The following EXD2 variants were observed in gnomAD, a reference collection of about 807,000 sequenced individuals.
The protein encoded by EXD2 is exonuclease 3'-5' domain-containing protein 2.
Under a neutral mutation model 62.5 loss-of-function variants are expected in EXD2, and 40 were observed. That is an observed-to-expected ratio of 0.64 (90% confidence interval 0.50 to 0.83). The LOEUF is 0.83. Among genes scored for constraint, EXD2 ranks in the 40% least tolerant of loss-of-function variants. The pLI is 0.00. For synonymous variants in EXD2, 239 were observed against 291.9 expected (o/e 0.82, Z 1.85); for missense variants, 671 against 761.8 (o/e 0.88, Z 1.40).
At chr14:69,192,749 A>G (rs1595094844) in intron 1 of EXD2, among the ~76,000 whole-genome samples, 1 of 152,222 alleles carries the variant, frequency 6.6e-6, no homozygotes, top group Non-Finnish European at 1.5e-5. Flanking sequence ...GCATTACACA[A>G]CTTGACGTTT....
chr14:69,235,918 A>C, intron 6 of EXD2, 128 bp from the exon 7 acceptor site: 7 of 770,072 alleles, frequency 9.1e-6, no homozygotes, highest in South Asian at 8.3e-5. Flanking sequence ...TGTTTTTTCC[A>C]TAGTGGTGTG....
At chr14:69,224,913 AG>A (rs2043306804) in intron 3 of EXD2, among the ~76,000 whole-genome samples, 1 of 151,910 alleles carries the variant, frequency 6.6e-6, no homozygotes, top group Admixed American at 6.6e-5. Context: ...CGGGAGGCAG[AG>A]GTTGCAGTGA....
chr14:69,228,783 T>A, intron 3 of EXD2, 33 bp from the exon 4 acceptor site: 1 of 1,588,758 alleles, frequency 6.3e-7, no homozygotes, highest in Non-Finnish European at 8.6e-7. Context: ...TGTGCTCAGG[T>A]GTGAACCACA....
intron 1 of EXD2, among the ~76,000 whole-genome samples, chr14:69,198,346 C>T (rs2042278098): frequency 6.6e-6 from 1 of 152,184 alleles, no homozygotes; most frequent in Non-Finnish European, 1.5e-5. Context: ...CTACATTCCT[C>T]TGCCATAATT....
In EXD2 at chr14:69,241,098, T is replaced by G; in HGVS notation, c.1864T>G (p.Ter622GlyextTer1). Residue 622 changes from the stop codon to glycine (G), a stop_lost, in exon 10 of 10, where the codon TGA (stop) becomes GGA (glycine). Coordinates refer to ENST00000685843, the MANE Select transcript of EXD2 (RefSeq NM_001193360.2). The stretch of plus-strand genomic sequence containing the variant: ...GGAAGATCTTCCCATCCAGCTGTCT[T>G]GATAGCTGCTTTCCTCCCAGTTAGG... ...FGEDLPIQLS* is the reference protein window; with the variant it reads ...FGEDLPIQLSG 6.2e-7 allele frequency: 1 copy of G among 1,611,760 alleles called. No individual in the cohort carries two copies. The highest frequency in any genetic ancestry group is 8.5e-7 in the Non-Finnish European group (1 of 1,179,720).
chr14:69,194,398 A>T (rs2043650611), intron 1 of EXD2, among the ~76,000 whole-genome samples: 2 of 152,130 alleles, frequency 1.3e-5, no homozygotes, highest in South Asian at 4.2e-4. Context: ...TCGGCCTCCC[A>T]AAGTGCTGGG....
intron 2 of EXD2, among the ~76,000 whole-genome samples, chr14:69,205,396 C>T (rs910953313): frequency 1.3e-5 from 2 of 152,076 alleles, no homozygotes; most frequent in Admixed American, 1.3e-4. Flanking sequence ...ATTCTGGTGA[C>T]TTCCTCAGAT....
intron 5 of EXD2, among the ~76,000 whole-genome samples, chr14:69,231,480 C>T (rs1053895527): frequency 2.0e-5 from 3 of 152,148 alleles, no homozygotes; most frequent in African/African-American, 4.8e-5. Context: ...GGTTAATATA[C>T]AGTATTTATA....
Position 69,236,172 on chromosome 14 carries a change from T to C in EXD2, c.1156+20T>C. The C allele has an allele frequency of 6.3e-7, 1 of 1,598,642 alleles. No individual in the cohort carries two copies. The highest frequency in any genetic ancestry group is 8.6e-7 in the Non-Finnish European group (1 of 1,165,838). Reference sequence around the variant, plus strand: ...TTGGTGGTATGAGATTCAGCTGTCCTTGTTTATCTCTAATTAGGTGCATTG... The same window carrying C: ...TTGGTGGTATGAGATTCAGCTGTCCCTGTTTATCTCTAATTAGGTGCATTG... On this transcript the variant is annotated intron_variant, in intron 7 of 9. Transcript: ENST00000685843.
Position 69,208,420 on chromosome 14 carries a change from C to T in EXD2, c.-47-1004C>T, listed in dbSNP as rs886952156. On this transcript the variant is annotated intron_variant, in intron 2 of 9. Coordinates refer to ENST00000685843, the MANE Select transcript of EXD2 (RefSeq NM_001193360.2). ...AGAGACGGGGTTTCACTGTGTTAGC[C>T]GGGATGGTCTCGATCTCCTGACCTC... Among the ~76,000 whole-genome samples the T allele has an allele frequency of 3.6e-4, 55 of 151,434 alleles. 1 individual carries two copies. Among genetic ancestry groups the T allele is most frequent in the African/African-American group, 1.2e-3 (50 of 41,180 alleles).
intron 3 of EXD2, chr14:69,210,284 A>G (rs1027261307): frequency 1.3e-5 from 2 of 155,072 alleles, no homozygotes; most frequent in African/African-American, 4.8e-5. Context: ...TAGCTAAGGA[A>G]TTCTATTTAA....
At chr14:69,198,197 T>G (rs953774916) in intron 1 of EXD2, among the ~76,000 whole-genome samples, 1 of 152,220 alleles carries the variant, frequency 6.6e-6, no homozygotes, top group African/African-American at 2.4e-5. Context: ...TTATAATAGG[T>G]TTGGAAAGCT....
At chr14:69,238,826 G>A (rs1240014755) in intron 9 of EXD2, among the ~76,000 whole-genome samples, 2 of 151,908 alleles carry the variant, frequency 1.3e-5, no homozygotes, top group Admixed American at 1.3e-4. Flanking sequence ...GTAGAGATGG[G>A]GTTTCACCAG....
chr14:69,197,901 G>GT (rs1330001268), intron 1 of EXD2, among the ~76,000 whole-genome samples: 1 of 152,100 alleles, frequency 6.6e-6, no homozygotes, highest in Admixed American at 6.5e-5. Flanking sequence ...CCCACATAGG[G>GT]TTATTGAAAG....
chr14:69,240,803 T>C, intron 9 of EXD2, 81 bp from the exon 10 acceptor site: 1 of 1,251,832 alleles, frequency 8.0e-7, no homozygotes, highest in Non-Finnish European at 1.1e-6. Flanking sequence ...CAGTTACCCT[T>C]GGCGCGCAGC....
intron 3 of EXD2, among the ~76,000 whole-genome samples, chr14:69,220,253 G>GTTTTTTGTTT (rs2043126549): frequency 2.8e-5 from 1 of 35,114 alleles, no homozygotes; most frequent in Non-Finnish European, 4.9e-5. Flanking sequence ...TTGTCTCTCT[G>GTTTTTTGTTT]TTTTTTTTTT....
chr14:69,202,158 G>A (rs377162275), intron 1 of EXD2, among the ~76,000 whole-genome samples: 6 of 152,184 alleles, frequency 3.9e-5, no homozygotes, highest in African/African-American at 1.4e-4. Flanking sequence ...GGGTGTTGGA[G>A]CTCAGGAGTT....
intron 2 of EXD2, chr14:69,209,101 G>GT (rs1164501621): frequency 4.6e-4 from 72 of 156,166 alleles, no homozygotes; most frequent in Non-Finnish European, 7.3e-4. Context: ...CTAGCTTATT[G>GT]TTTTTTTTTC....
At chr14:69,210,822 ATGT>A (rs1428525514) in intron 3 of EXD2, among the ~76,000 whole-genome samples, 1 of 152,180 alleles carries the variant, frequency 6.6e-6, no homozygotes, top group East Asian at 1.9e-4. Context: ...GGAAAAAAAA[ATGT>A]TGTGTTTATA....
Sources: gnomAD v4.1 joint callset for allele counts (sites outside exome capture counted in the v4.1 genomes callset) on GRCh38, gnomAD v4.1.1 for gene constraint, MANE v1.5 for transcripts, NCBI Gene and HGNC (gene_info 2026-07-23, HGNC 2026-07-21) for gene names.